Variants in LINGO2 observed in about 807,000 individuals in gnomAD.
The protein encoded by LINGO2 is leucine rich repeat and Ig domain containing 2, also known as leucine-rich repeat and immunoglobulin-like domain-containing nogo receptor-interacting protein 2.
A neutral mutation model predicts 30.6 loss-of-function variants in LINGO2; 14 were observed. The observed-to-expected ratio is 0.46, with a 90% CI of 0.30 to 0.72. LINGO2 has a LOEUF of 0.72. LINGO2 is among the 30% of genes least tolerant of loss of function. The pLI is 0.07. For synonymous variants in LINGO2, 317 were observed against 288.5 expected (o/e 1.10, Z -1.00); for missense variants, 729 against 751.7 (o/e 0.97, Z 0.35).
At chr9:28,645,876 G>C (rs1052870534) in intron 1 of LINGO2, among the ~76,000 whole-genome samples, 5 of 152,110 alleles carry the variant, frequency 3.3e-5, no homozygotes, top group African/African-American at 1.2e-4. Context: ...GCAGTGCGCA[G>C]ATTGATTAGA....
rs943215659 is a variant in LINGO2, at chr9:28,502,578, C to CA, written c.-364-26554dup. Among the ~76,000 whole-genome samples, 107 of 152,048 alleles carry CA rather than the reference C, an allele frequency of 7.0e-4. 1 individual carries two copies. The highest frequency in any genetic ancestry group is 3.4e-3 in the Middle Eastern group (1 of 292). ...TGAACCCTTCATAAGGCAAATACAA[C>CA]AAAAAACTATAAAATATGTCTTTTT... is the stretch of plus-strand genomic sequence containing the variant. On this transcript the variant is annotated intron_variant, in intron 1 of 5. Transcript: ENST00000379992.
At chr9:28,716,928 G>A in the LINGO2 span, among the ~76,000 whole-genome samples, 43 of 151,968 alleles carry the variant, frequency 2.8e-4, no homozygotes, top group African/African-American at 9.2e-4. Flanking sequence ...TAAAATATAC[G>A]GTTTCTATCA....
the LINGO2 span, among the ~76,000 whole-genome samples, chr9:28,845,754 CTTAA>C: frequency 6.6e-6 from 1 of 151,284 alleles, no homozygotes; most frequent in East Asian, 1.9e-4. Flanking sequence ...GATAATTTCT[CTTAA>C]TTCTTTAAAA....
chr9:28,356,274 G>A (rs933906986), intron 3 of LINGO2, among the ~76,000 whole-genome samples: 1 of 152,034 alleles, frequency 6.6e-6, no homozygotes, highest in African/African-American at 2.4e-5. Flanking sequence ...CTAGTTCCAA[G>A]CAGGTATATT....
intron 1 of LINGO2, among the ~76,000 whole-genome samples, chr9:28,535,048 A>C (rs1821372703): frequency 6.6e-6 from 1 of 152,090 alleles, no homozygotes; most frequent in Non-Finnish European, 1.5e-5. Flanking sequence ...TTGACCCCGG[A>C]ATTCTTCTCC....
At chr9:28,259,104 C>T (rs988552372) in intron 4 of LINGO2, among the ~76,000 whole-genome samples, 1 of 151,878 alleles carries the variant, frequency 6.6e-6, no homozygotes, top group Non-Finnish European at 1.5e-5. Flanking sequence ...CAAGAAAAGG[C>T]TTGGTTCTGG....
intron 1 of LINGO2, among the ~76,000 whole-genome samples, chr9:28,507,143 G>A (rs1820173482): frequency 2.6e-5 from 4 of 151,864 alleles, no homozygotes; most frequent in Admixed American, 2.0e-4. Flanking sequence ...GGCAACTCTC[G>A]CTGATTGAGG....
rs36101397 is a variant in LINGO2 at position 28,632,881 on chromosome 9, TAG to T, written c.-365+37317_-365+37318del. On this transcript the variant is annotated intron_variant, in intron 1 of 5. Transcript: ENST00000379992. ...TTATATATATATATATATATATATG[TAG>T]AGAGAGAGAGAGAGAGAGAGAGAGA... Among the ~76,000 whole-genome samples, 577 of 61,804 alleles carry T rather than the reference TAG, an allele frequency of 9.3e-3. 13 individuals are homozygous for T. Among genetic ancestry groups the T allele is most frequent in the African/African-American group, 0.027 (384 of 14,434 alleles). The allele number at this position is 61,804 out of a possible 152,430, so 40.5% of individuals were successfully genotyped here.
chr9:29,114,169 A>C, the LINGO2 span, among the ~76,000 whole-genome samples: 1 of 151,548 alleles, frequency 6.6e-6, no homozygotes, highest in Non-Finnish European at 1.5e-5. Context: ...TCTTCAGTTA[A>C]TAATATATAT....
chr9:28,792,846 T>G, the LINGO2 span, among the ~76,000 whole-genome samples: 3 of 152,156 alleles, frequency 2.0e-5, no homozygotes, highest in African/African-American at 7.2e-5. Flanking sequence ...TCTTTCAAGA[T>G]CATAAGCTTC....
intron 1 of LINGO2, among the ~76,000 whole-genome samples, chr9:28,521,828 G>A (rs1234023268): frequency 6.6e-6 from 1 of 152,142 alleles, no homozygotes; most frequent in African/African-American, 2.4e-5. Flanking sequence ...TAAGAAAATG[G>A]AAATTTGGGC....
chr9:29,134,802 T>C, the LINGO2 span, among the ~76,000 whole-genome samples: 1 of 151,288 alleles, frequency 6.6e-6, no homozygotes, highest in East Asian at 1.9e-4. Context: ...AATATAAATA[T>C]ATATGAATTC....
intron 5 of LINGO2, among the ~76,000 whole-genome samples, chr9:27,992,321 G>A (rs571190377): frequency 1.4e-4 from 22 of 152,182 alleles, no homozygotes; most frequent in African/African-American, 4.3e-4. Context: ...CATGTAAAAC[G>A]TAGCCATAGA....
the LINGO2 span, among the ~76,000 whole-genome samples, chr9:29,175,790 C>T: frequency 3.4e-4 from 51 of 151,624 alleles, no homozygotes; most frequent in African/African-American, 1.2e-3. Context: ...CTCCCAAAGC[C>T]GATAATTTTT....
chr9:28,838,644 T>C, the LINGO2 span, among the ~76,000 whole-genome samples: 1 of 152,202 alleles, frequency 6.6e-6, no homozygotes, highest in Non-Finnish European at 1.5e-5. Context: ...CATTCTCCTA[T>C]ATATTCTCCT....
At chr9:29,066,753 A>G in the LINGO2 span, among the ~76,000 whole-genome samples, 6,085 of 152,010 alleles carry the variant, frequency 0.04, 191 homozygotes, top group Admixed American at 0.079. Flanking sequence ...GTATAGTACC[A>G]ATTTAAGACC....
intron 2 of LINGO2, among the ~76,000 whole-genome samples, chr9:28,430,056 C>A (rs936489531): frequency 1.3e-5 from 2 of 151,606 alleles, no homozygotes; most frequent in African/African-American, 4.8e-5. Flanking sequence ...ATAAGTAATC[C>A]CTAAGATGGG....
chr9:28,015,274 C>A (rs949270171), intron 4 of LINGO2, among the ~76,000 whole-genome samples: 1 of 152,106 alleles, frequency 6.6e-6, no homozygotes, highest in Non-Finnish European at 1.5e-5. Context: ...CAAAAGCAGG[C>A]CTTACATTAC....
At chr9:29,067,310 C>T in the LINGO2 span, among the ~76,000 whole-genome samples, 1 of 151,654 alleles carries the variant, frequency 6.6e-6, no homozygotes, top group African/African-American at 2.4e-5. Context: ...CGTAGTGATA[C>T]ACTGCAAGAG....
Sources: allele counts gnomAD v4.1 joint callset (sites outside exome capture counted in the v4.1 genomes callset), GRCh38; gene constraint gnomAD v4.1.1; transcripts MANE v1.5; gene names NCBI Gene and HGNC (gene_info 2026-07-23, HGNC 2026-07-21).